Variants in ATXN1 observed in about 807,000 individuals in gnomAD.
The protein encoded by ATXN1 is ataxin 1.
Under a neutral mutation model 56.4 loss-of-function variants are expected in ATXN1, and 8 were observed. That is an observed-to-expected ratio of 0.14 (90% CI 0.08 to 0.26). The LOEUF (loss-of-function observed/expected upper bound fraction) is 0.26. Among genes scored for constraint, ATXN1 ranks in the 10% least tolerant of loss-of-function variants. The probability of loss-of-function intolerance (pLI) is 1.00; values close to 1 mark genes in which losing one functional copy is unlikely to be tolerated. For synonymous variants in ATXN1, 514 were observed against 494.6 expected (o/e 1.04, Z -0.52); for missense variants, 987 against 1,106.5 (o/e 0.89, Z 1.53).
intron 4 of ATXN1, among the ~76,000 whole-genome samples, chr6:16,528,160 G>A (rs1396638725): frequency 6.6e-6 from 1 of 152,026 alleles, no homozygotes; most frequent in Non-Finnish European, 1.5e-5. Flanking sequence ...AATTAGCCAG[G>A]TGTCCTGGTG....
intron 6 of ATXN1, among the ~76,000 whole-genome samples, chr6:16,424,168 C>A (rs1198737851): frequency 2.0e-5 from 3 of 152,130 alleles, no homozygotes; most frequent in African/African-American, 7.2e-5. Flanking sequence ...CAGGGAGCGG[C>A]CTGGATCTGC....
intron 6 of ATXN1, among the ~76,000 whole-genome samples, chr6:16,425,791 C>A (rs940912056): frequency 6.6e-6 from 1 of 152,112 alleles, no homozygotes; most frequent in South Asian, 2.1e-4. Flanking sequence ...CCTCCTATGC[C>A]CATCACCTGC....
chr6:16,394,306 C>T (rs904202945), intron 6 of ATXN1, among the ~76,000 whole-genome samples: 1 of 152,034 alleles, frequency 6.6e-6, no homozygotes, highest in African/African-American at 2.4e-5. Context: ...TCTCCACCGG[C>T]CATTTTTTCC....
chr6:16,531,115 G>A (rs1201033106), intron 4 of ATXN1, among the ~76,000 whole-genome samples: 1 of 152,166 alleles, frequency 6.6e-6, no homozygotes, highest in Non-Finnish European at 1.5e-5. Context: ...CCTTAGCAAA[G>A]CTGCATCTCT....
intron 4 of ATXN1, among the ~76,000 whole-genome samples, chr6:16,573,988 T>G (rs775830834): frequency 1.3e-5 from 2 of 152,170 alleles, no homozygotes; most frequent in Non-Finnish European, 2.9e-5. Flanking sequence ...GCTCTATAAT[T>G]GCTTCCTGTG....
intron 6 of ATXN1, among the ~76,000 whole-genome samples, chr6:16,358,963 C>A (rs1302849670): frequency 6.6e-6 from 1 of 152,194 alleles, no homozygotes; most frequent in East Asian, 1.9e-4. Context: ...CGGGAGCTCC[C>A]GGGTGCAGCT....
chr6:16,375,574 A>G (rs188264269), intron 6 of ATXN1, among the ~76,000 whole-genome samples: 20 of 152,250 alleles, frequency 1.3e-4, no homozygotes, highest in African/African-American at 4.3e-4. Flanking sequence ...CCCTTTATTA[A>G]ATTTTGGAAC....
chr6:16,634,658 T>C (rs1247842644), intron 3 of ATXN1, among the ~76,000 whole-genome samples: 1 of 152,244 alleles, frequency 6.6e-6, no homozygotes, highest in Non-Finnish European at 1.5e-5. Flanking sequence ...ACCTTTCATA[T>C]AAATGAAATT....
At chr6:16,353,487 AC>A (rs1448187801) in intron 6 of ATXN1, among the ~76,000 whole-genome samples, 3 of 152,104 alleles carry the variant, frequency 2.0e-5, no homozygotes, top group African/African-American at 7.2e-5. Context: ...AGCCTGGCCA[AC>A]ATGCCAAAAC....
intron 5 of ATXN1, among the ~76,000 whole-genome samples, chr6:16,498,625 A>AT (rs1760821706): frequency 6.6e-6 from 1 of 152,030 alleles, no homozygotes. Flanking sequence ...GAAGATTACC[A>AT]TTTTTTCCAC....
chr6:16,681,689 A>G (rs142176359), intron 2 of ATXN1, among the ~76,000 whole-genome samples: 19 of 152,294 alleles, frequency 1.2e-4, no homozygotes, highest in African/African-American at 3.9e-4. Flanking sequence ...AACTGTTTAT[A>G]TATTTTTCAA....
chr6:16,458,142 T>C (rs1178261522), intron 6 of ATXN1, among the ~76,000 whole-genome samples: 2 of 152,140 alleles, frequency 1.3e-5, no homozygotes, highest in East Asian at 3.9e-4. Context: ...CTTAGTCAAG[T>C]AAATGACAAA....
intron 6 of ATXN1, among the ~76,000 whole-genome samples, chr6:16,399,298 G>T (rs1478825594): frequency 3.9e-5 from 6 of 152,150 alleles, no homozygotes; most frequent in African/African-American, 1.2e-4. Flanking sequence ...CAGAGGTTTG[G>T]TGGGTGTATG....
intron 7 of ATXN1, among the ~76,000 whole-genome samples, chr6:16,322,884 G>A (rs946915021): frequency 2.0e-5 from 3 of 152,198 alleles, no homozygotes; most frequent in Non-Finnish European, 1.5e-5. Context: ...ATCATTGGTT[G>A]CGTCAGGCCT....
intron 2 of ATXN1, among the ~76,000 whole-genome samples, chr6:16,714,761 C>T (rs939335213): frequency 2.0e-5 from 3 of 152,016 alleles, no homozygotes; most frequent in Non-Finnish European, 2.9e-5. Flanking sequence ...TCTAATTTTT[C>T]TGTGTTTCAA....
intron 6 of ATXN1, among the ~76,000 whole-genome samples, chr6:16,361,846 G>A (rs1761814209): frequency 6.6e-6 from 1 of 152,180 alleles, no homozygotes; most frequent in Non-Finnish European, 1.5e-5. Context: ...GATTCTAAAT[G>A]GTCAATGTTT....
chr6:16,753,023 A>G (rs1216155214), intron 2 of ATXN1: 3 of 328,716 alleles, frequency 9.1e-6, no homozygotes, highest in Non-Finnish European at 1.8e-5. Context: ...TCATGAACAT[A>G]TAGATTAAAC....
intron 3 of ATXN1, among the ~76,000 whole-genome samples, chr6:16,598,343 T>C (rs549668590): frequency 2.0e-5 from 3 of 152,194 alleles, no homozygotes; most frequent in Non-Finnish European, 4.4e-5. Context: ...TTTAAAGATG[T>C]TTTCTCTTTT....
chr6:16,556,606 T>C (rs1265272564), intron 4 of ATXN1, among the ~76,000 whole-genome samples: 1 of 152,200 alleles, frequency 6.6e-6, no homozygotes, highest in Non-Finnish European at 1.5e-5. Context: ...CTACTCATTA[T>C]AAAAGCCCTA....
Sources: allele counts gnomAD v4.1 joint callset (sites outside exome capture counted in the v4.1 genomes callset), GRCh38; gene constraint gnomAD v4.1.1; transcripts MANE v1.5; gene names NCBI Gene and HGNC (gene_info 2026-07-23, HGNC 2026-07-21).